Variants in DOCK1 observed in about 807,000 individuals in gnomAD.
The protein encoded by DOCK1 is dedicator of cytokinesis 1.
DOCK1 carries 138 observed loss-of-function variants against 262.7 expected under a neutral mutation model. The observed-to-expected ratio is 0.53, with a 90% CI of 0.46 to 0.61. DOCK1 has a LOEUF of 0.61. Ranked by LOEUF, DOCK1 falls within the 20% of genes least tolerant of loss-of-function variation. The probability of loss-of-function intolerance (pLI) is 0.00; values close to 1 mark genes in which losing one functional copy is unlikely to be tolerated. For synonymous variants in DOCK1, 866 were observed against 867.4 expected, an observed-to-expected ratio of 1.00 and a Z score of 0.03; for missense variants, 1,908 against 2,370.7, an observed-to-expected ratio of 0.80 and a Z score of 4.05.
chr10:127,339,612 AGAGT>A (rs1249453818), intron 30 of DOCK1, among the ~76,000 whole-genome samples: 2 of 148,840 alleles, frequency 1.3e-5, no homozygotes, highest in East Asian at 3.9e-4. Context: ...AGAGAGAGAG[AGAGT>A]GTGTGTGTTT....
chr10:126,997,050 G>A (rs2040250232), intron 7 of DOCK1, among the ~76,000 whole-genome samples, 167 bp downstream of exon 7: 1 of 152,092 alleles, frequency 6.6e-6, no homozygotes, highest in Admixed American at 6.5e-5. Flanking sequence ...TGGTGGCACA[G>A]GATGTCACCC....
At position 127,175,749 on chromosome 10, in the gene DOCK1, G is replaced by A; in HGVS notation, c.2847+47985G>A. On this transcript the variant is annotated intron_variant, in intron 27 of 51. Transcript: ENST00000623213. This position sits in a 1 kb window ranked among gnomAD's most constrained non-coding sequence, Gnocchi z 6.3. ...CAGCTGGTAATCGGGCTCTTCGGAT[G>A]GAGGCCGAGTGGAGTTTTGGAGCGC... The A allele has an allele frequency of 6.2e-7, 1 of 1,614,104 alleles. No individual in the cohort carries two copies. The highest frequency in any genetic ancestry group is 8.5e-7 in the Non-Finnish European group (1 of 1,180,024).
At chr10:127,410,053 G>A (rs1310270995) in intron 42 of DOCK1, among the ~76,000 whole-genome samples, 2 of 152,232 alleles carry the variant, frequency 1.3e-5, no homozygotes, top group African/African-American at 2.4e-5. Context: ...ATGTTCTGGT[G>A]AAAATATTAA....
At chr10:127,125,342 C>G (rs1455362009) in intron 25 of DOCK1, 132 bp from the exon 26 acceptor site, 2 of 1,239,818 alleles carry the variant, frequency 1.6e-6, no homozygotes, top group Non-Finnish European at 2.2e-6. Context: ...TAATTGACCC[C>G]CCTCCAGATG....
chr10:127,419,245 G>A (rs1049296473), intron 45 of DOCK1, among the ~76,000 whole-genome samples: 1 of 152,214 alleles, frequency 6.6e-6, no homozygotes. Flanking sequence ...GATACTGCCT[G>A]AGAGAAGGCT....
Position 127,052,894 on chromosome 10 carries a change from C to T in DOCK1, c.2336+79C>T, listed in dbSNP as rs971028008. 1.0e-4 allele frequency: 154 copies of T among 1,532,338 alleles called. 1 individual carries two copies. In the Middle Eastern group the frequency reaches 1.2e-3, roughly 12 times the overall value. The allele number at this position is 1,532,338 out of a possible 1,614,324, so 94.9% of individuals were successfully genotyped here. ...TTCACTTCTTTCCTTCCCCTTCTCT[C>T]GTCCCCTTATTCTTTCCTTTCTTCT... On this transcript the variant is annotated intron_variant, in intron 22 of 51. Transcript: ENST00000623213.
intron 27 of DOCK1, among the ~76,000 whole-genome samples, chr10:127,142,600 G>C (rs1181041541): frequency 6.6e-6 from 1 of 152,198 alleles, no homozygotes; most frequent in East Asian, 1.9e-4. Context: ...ACAGGCTGTA[G>C]ATTTTGCTGG....
chr10:127,057,842 A>G (rs1046386117), intron 22 of DOCK1, among the ~76,000 whole-genome samples: 17 of 152,340 alleles, frequency 1.1e-4, no homozygotes, highest in African/African-American at 2.4e-4. Context: ...CCTTTTTGCT[A>G]TCATTCCCTG....
intron 29 of DOCK1, among the ~76,000 whole-genome samples, chr10:127,300,594 G>A (rs1419542801): frequency 6.6e-6 from 1 of 152,234 alleles, no homozygotes; most frequent in East Asian, 1.9e-4. Context: ...AGTCATGCTA[G>A]TATCAAAAAT....
At chr10:126,976,605 T>C (rs755723207) in intron 2 of DOCK1, among the ~76,000 whole-genome samples, 47 of 152,172 alleles carry the variant, frequency 3.1e-4, no homozygotes, top group Admixed American at 1.1e-3. Flanking sequence ...AGGTTTGCCT[T>C]TTTAATAGTG....
intron 27 of DOCK1, 132 bp downstream of exon 27, chr10:127,127,896 T>G (rs984498975): frequency 1.7e-6 from 1 of 605,578 alleles, no homozygotes; most frequent in East Asian, 3.3e-5. Context: ...ATATAAAATG[T>G]CCTCATTTTC....
At chr10:127,282,796 G>A (rs982587158) in intron 29 of DOCK1, among the ~76,000 whole-genome samples, 12 of 152,192 alleles carry the variant, frequency 7.9e-5, no homozygotes, top group South Asian at 2.1e-4. Context: ...CTGCCTTGGC[G>A]ACAACCAGTT....
chr10:127,278,922 A>C (rs2060843994), intron 29 of DOCK1, among the ~76,000 whole-genome samples: 1 of 152,222 alleles, frequency 6.6e-6, no homozygotes, highest in Non-Finnish European at 1.5e-5. Flanking sequence ...TGAAGTCTTC[A>C]TCACCAGAAA....
At chr10:127,427,519 G>A (rs1286248411) in intron 47 of DOCK1, among the ~76,000 whole-genome samples, 1 of 152,180 alleles carries the variant, frequency 6.6e-6, no homozygotes, top group Non-Finnish European at 1.5e-5. Context: ...CTGTGAAGCA[G>A]GCACTGCAGT....
chr10:127,138,158 A>G (rs1019678390), intron 27 of DOCK1: 1 of 740,582 alleles, frequency 1.4e-6, no homozygotes, highest in Admixed American at 3.0e-5. Context: ...AATTCGATAT[A>G]CTATGTTTTA....
At chr10:127,196,438 C>T (rs547343379) in intron 27 of DOCK1, among the ~76,000 whole-genome samples, 1 of 148,762 alleles carries the variant, frequency 6.7e-6, no homozygotes, top group East Asian at 2.0e-4. Flanking sequence ...GGCCAGGAGG[C>T]GGGGGCGGGG....
At chr10:127,103,934 G>A (rs1255557539) in intron 23 of DOCK1, among the ~76,000 whole-genome samples, 1 of 152,204 alleles carries the variant, frequency 6.6e-6, no homozygotes, top group East Asian at 1.9e-4. Context: ...CAAAGAGCAT[G>A]TTGTAGGAAT....
intron 23 of DOCK1, among the ~76,000 whole-genome samples, chr10:127,093,242 C>CTTTTTTTTTTTTT (rs200302331): frequency 5.0e-5 from 4 of 79,342 alleles, no homozygotes; most frequent in African/African-American, 1.3e-4. Flanking sequence ...TTTCTTTCTT[C>CTTTTTTTTTTTTT]TTTTTTTTTT....
At chr10:127,034,009 T>G (rs2043415183) in intron 18 of DOCK1, among the ~76,000 whole-genome samples, 1 of 152,164 alleles carries the variant, frequency 6.6e-6, no homozygotes, top group Non-Finnish European at 1.5e-5. Flanking sequence ...CTTGTGGTTG[T>G]GTAGTGGTCT....
Sources: allele counts gnomAD v4.1 joint callset (sites outside exome capture counted in the v4.1 genomes callset), GRCh38; gene constraint gnomAD v4.1.1; non-coding constraint Gnocchi (gnomAD v3.1); transcripts MANE v1.5; gene names NCBI Gene and HGNC (gene_info 2026-07-23, HGNC 2026-07-21).